The following JPH1 variants were observed in gnomAD, a reference collection of about 807,000 sequenced individuals.
JPH1 encodes junctophilin 1, also known as junctophilin-1.
In JPH1, 12 loss-of-function variants were observed where a neutral mutation model predicts 53.6. The observed-to-expected ratio is 0.22, with a 90% CI of 0.14 to 0.36. The LOEUF is 0.36. Among genes scored for constraint, JPH1 ranks in the 10% least tolerant of loss-of-function variants. The pLI is 1.00. For missense variants in JPH1, 808 were observed against 905.5 expected (o/e 0.89, Z 1.38); for synonymous variants, 375 against 363.8 (o/e 1.03, Z -0.35).
At chr8:74,245,377 T>C (rs1805828472) in intron 3 of JPH1, among the ~76,000 whole-genome samples, 1 of 152,210 alleles carries the variant, frequency 6.6e-6, no homozygotes, top group Non-Finnish European at 1.5e-5. Flanking sequence ...CAGTTCTGGC[T>C]TCCCTGATAA....
At chr8:74,307,918 G>T (rs1807885480) in intron 2 of JPH1, among the ~76,000 whole-genome samples, 1 of 152,068 alleles carries the variant, frequency 6.6e-6, no homozygotes, top group East Asian at 1.9e-4. Flanking sequence ...GTAATAGTCA[G>T]TTTAATTTGG....
intron 3 of JPH1, among the ~76,000 whole-genome samples, chr8:74,250,087 C>T (rs1805994064): frequency 6.6e-6 from 1 of 151,982 alleles, no homozygotes; most frequent in African/African-American, 2.4e-5. Context: ...TTACATGCTA[C>T]TTAATATCAC....
At chr8:74,292,525 C>T (rs1364409641) in intron 2 of JPH1, among the ~76,000 whole-genome samples, 1 of 152,162 alleles carries the variant, frequency 6.6e-6, no homozygotes, top group East Asian at 1.9e-4. Flanking sequence ...TTACAAGTTA[C>T]CCAGCTGCAT....
chr8:74,258,550 G>T (rs1806302639), intron 3 of JPH1, among the ~76,000 whole-genome samples: 1 of 152,124 alleles, frequency 6.6e-6, no homozygotes, highest in African/African-American at 2.4e-5. Flanking sequence ...ATTGTGACAT[G>T]CATTTTCCTC....
chr8:74,264,169 G>A (rs184358838), intron 2 of JPH1, among the ~76,000 whole-genome samples: 6 of 152,292 alleles, frequency 3.9e-5, no homozygotes, highest in African/African-American at 1.2e-4. Flanking sequence ...ACTAACTGAC[G>A]AAGCTGATAA....
At position 74,300,965 on chromosome 8, in the gene JPH1, C is replaced by T. The variant is rs555554785; in HGVS notation, c.1139+13896G>A. Among the ~76,000 whole-genome samples the T allele has an allele frequency of 1.2e-4, 18 of 152,248 alleles. No individual in the cohort carries two copies. In the South Asian group the frequency reaches 1.9e-3, roughly 16 times the overall value. ...CCCATTTCCCCAACCAGCCGTATACCGGGAATGAATCACTACATTTTCTAA... is the reference window on the plus strand; with the variant it reads ...CCCATTTCCCCAACCAGCCGTATACTGGGAATGAATCACTACATTTTCTAA... On this transcript the variant is annotated intron_variant, in intron 2 of 5. Transcript: ENST00000342232.
At chr8:74,243,012 G>A (rs1805742039) in intron 4 of JPH1, among the ~76,000 whole-genome samples, 1 of 152,154 alleles carries the variant, frequency 6.6e-6, no homozygotes, top group Non-Finnish European at 1.5e-5. Context: ...GGACGCTGGG[G>A]CATACACTTC....
chr8:74,270,194 G>A (rs1036907345), intron 2 of JPH1, among the ~76,000 whole-genome samples: 31 of 152,106 alleles, frequency 2.0e-4, no homozygotes, highest in Admixed American at 1.3e-4. Flanking sequence ...ATCAAGGTTA[G>A]GCTTTAGCAG....
Position 74,245,009 on chromosome 8 carries a change from A to G in JPH1, c.1425T>C (p.Ser475=). 6.2e-7 allele frequency: 1 copy of G among 1,614,010 alleles called. No individual in the cohort carries two copies. The highest frequency in any genetic ancestry group is 8.5e-7 in the Non-Finnish European group (1 of 1,180,008). ...SPEASPKHSH[S]PASSPKPLKK... ...TCAGGGGCTTTGGGGAGGAAGCAGG[A>G]GAGTGGCTGTGTTTGGGACTTGCCT... is the stretch of plus-strand genomic sequence containing the variant. Residue 475 remains serine, a synonymous_variant, in exon 4 of 6, where the codon TCT becomes TCC. Transcript: ENST00000342232.
intron 5 of JPH1, 23 bp downstream of exon 5, chr8:74,237,185 A>G (rs759587031): frequency 7.1e-7 from 1 of 1,404,168 alleles, no homozygotes; most frequent in Non-Finnish European, 9.9e-7. Context: ...ATGATTTTAG[A>G]TAGAAATTAA....
chr8:74,282,373 C>A lies in JPH1; in HGVS notation c.1140-22870G>T, dbSNP rs528552715. Among the ~76,000 whole-genome samples the A allele has an allele frequency of 3.9e-5, 6 of 152,242 alleles. No homozygotes were observed. The East Asian group carries it at 9.6e-4, about 24-fold the overall frequency. On this transcript the variant is annotated intron_variant, in intron 2 of 5. Transcript: ENST00000342232. The stretch of plus-strand genomic sequence containing the variant: ...TTATTCTAAAATATTACACTTGGAG[C>A]GATCTGCCCAACCACAGAATGTATT...
chr8:74,290,257 C>A (rs1431761525), intron 2 of JPH1, among the ~76,000 whole-genome samples: 2 of 152,188 alleles, frequency 1.3e-5, no homozygotes, highest in Non-Finnish European at 2.9e-5. Flanking sequence ...AGCCCAAAAT[C>A]TCCTTAAGCT....
At chr8:74,283,640 T>C (rs1586756611) in intron 2 of JPH1, among the ~76,000 whole-genome samples, 1 of 152,236 alleles carries the variant, frequency 6.6e-6, no homozygotes, top group Non-Finnish European at 1.5e-5. Context: ...AATCTTTTAG[T>C]TCTATTTTTA....
chr8:74,312,552 G>C (rs1175534106), intron 2 of JPH1, among the ~76,000 whole-genome samples: 1 of 152,192 alleles, frequency 6.6e-6, no homozygotes, highest in Non-Finnish European at 1.5e-5. Context: ...ACCTGACCTT[G>C]ACAAATTCTT....
At chr8:74,247,176 C>T (rs1179344453) in intron 3 of JPH1, among the ~76,000 whole-genome samples, 1 of 152,174 alleles carries the variant, frequency 6.6e-6, no homozygotes, top group African/African-American at 2.4e-5. Context: ...AACAAAACCC[C>T]TCTTCTTCTG....
chr8:74,285,578 A>G (rs904813514), intron 2 of JPH1, among the ~76,000 whole-genome samples: 1 of 152,194 alleles, frequency 6.6e-6, no homozygotes, highest in African/African-American at 2.4e-5. Flanking sequence ...CTTGACAGTA[A>G]CACCTGAATG....
intron 2 of JPH1, among the ~76,000 whole-genome samples, chr8:74,302,959 G>GAAAAA (rs34040034): frequency 6.6e-5 from 9 of 136,746 alleles, no homozygotes; most frequent in Admixed American, 7.4e-5. Context: ...GCCAAGAAAA[G>GAAAAA]AAAAAAAAAA....
intron 2 of JPH1, among the ~76,000 whole-genome samples, chr8:74,268,269 T>G (rs1192987154): frequency 6.6e-6 from 1 of 152,206 alleles, no homozygotes; most frequent in African/African-American, 2.4e-5. Context: ...GAGTCAGCAC[T>G]GTACAGAAGT....
chr8:74,276,529 C>A (rs1418533786), intron 2 of JPH1, among the ~76,000 whole-genome samples: 1 of 152,210 alleles, frequency 6.6e-6, no homozygotes, highest in African/African-American at 2.4e-5. Flanking sequence ...GATATTAAGT[C>A]AATCAAATAA....
Sources: allele counts gnomAD v4.1 joint callset (sites outside exome capture counted in the v4.1 genomes callset), GRCh38; gene constraint gnomAD v4.1.1; transcripts MANE v1.5; gene names NCBI Gene and HGNC (gene_info 2026-07-23, HGNC 2026-07-21).